RTN4: variants seen among roughly 807,000 people sequenced by gnomAD.
RTN4 encodes the protein reticulon 4.
A neutral mutation model predicts 90.4 loss-of-function variants in RTN4; 32 were observed. The observed-to-expected ratio is 0.35, with a 90% CI of 0.27 to 0.48. The LOEUF (loss-of-function observed/expected upper bound fraction) is 0.48, where lower values mean the gene tolerates loss of function less well. Ranked by LOEUF, RTN4 falls within the 20% of genes least tolerant of loss-of-function variation. RTN4 has a pLI of 0.99. For synonymous variants in RTN4, 629 were observed against 552.5 expected (o/e 1.14, Z -1.94); for missense variants, 1,706 against 1,430.2 (o/e 1.19, Z -3.11).
intron 1 of RTN4, among the ~76,000 whole-genome samples, chr2:55,037,260 G>A (rs141208168): frequency 1.1e-3 from 169 of 152,296 alleles, no homozygotes; most frequent in African/African-American, 4.0e-3. Flanking sequence ...CACATTCATG[G>A]GTTGAAAGAT....
At chr2:55,096,692 C>T (rs567621907) in intron 1 of RTN4, among the ~76,000 whole-genome samples, 2 of 152,186 alleles carry the variant, frequency 1.3e-5, no homozygotes, top group African/African-American at 4.8e-5. Context: ...TTTTCTCAAT[C>T]TGAACGCAAG....
chr2:55,030,197 A>AT (rs1027563293), intron 1 of RTN4, among the ~76,000 whole-genome samples: 2 of 152,100 alleles, frequency 1.3e-5, no homozygotes, highest in East Asian at 1.9e-4. Flanking sequence ...ATTTTAAAGT[A>AT]TTTTTTTAAT....
intron 1 of RTN4, among the ~76,000 whole-genome samples, chr2:55,047,413 A>G (rs1189774515): frequency 6.6e-6 from 1 of 152,012 alleles, no homozygotes; most frequent in Non-Finnish European, 1.5e-5. Flanking sequence ...TCTTTTTCAT[A>G]AAGAAAAAGG....
chr2:55,041,430 C>G (rs1683067349), intron 1 of RTN4, among the ~76,000 whole-genome samples: 1 of 151,954 alleles, frequency 6.6e-6, no homozygotes, highest in South Asian at 2.1e-4. Flanking sequence ...ATTATACACA[C>G]ATAAGATAGC....
intron 2 of RTN4, among the ~76,000 whole-genome samples, chr2:55,075,169 C>G (rs894350370): frequency 3.3e-5 from 5 of 152,088 alleles, no homozygotes; most frequent in Non-Finnish European, 5.9e-5. Flanking sequence ...GGTCTTATAC[C>G]TAGAAAACCC....
intron 5 of RTN4, among the ~76,000 whole-genome samples, chr2:54,979,821 T>TA (rs1332712235): frequency 2.0e-5 from 3 of 152,214 alleles, no homozygotes; most frequent in Admixed American, 2.0e-4. Context: ...AGGCAACTGT[T>TA]ACTTATTTGC....
the RTN4 span, among the ~76,000 whole-genome samples, chr2:55,117,869 G>T: frequency 1.3e-5 from 2 of 152,150 alleles, no homozygotes; most frequent in African/African-American, 2.4e-5. Context: ...GTCTCCTGGG[G>T]TGCTGGCAAT....
At chr2:55,068,381 T>C (rs1668430931) in intron 2 of RTN4, among the ~76,000 whole-genome samples, 1 of 152,166 alleles carries the variant, frequency 6.6e-6, no homozygotes, top group African/African-American at 2.4e-5. Context: ...CACATTTCCT[T>C]AGATGATATT....
intron 5 of RTN4, among the ~76,000 whole-genome samples, chr2:54,975,626 T>C (rs1204232063): frequency 6.6e-6 from 1 of 152,218 alleles, no homozygotes; most frequent in Non-Finnish European, 1.5e-5. Context: ...GCTCCCACAC[T>C]ATACAAAAAC....
chr2:54,986,469 A>C (rs937760072), intron 4 of RTN4, among the ~76,000 whole-genome samples: 1 of 152,238 alleles, frequency 6.6e-6, no homozygotes, highest in African/African-American at 2.4e-5. Flanking sequence ...CAAACTATTT[A>C]CAAAAGCAGG....
At position 55,101,114 on chromosome 2, in the gene RTN4, T is replaced by TAGTA. The variant is rs1350588704; in HGVS notation, c.-214+11402_-214+11405dup. Among the ~76,000 whole-genome samples the TAGTA allele has an allele frequency of 2.8e-4, 42 of 152,038 alleles. 1 individual carries two copies. The highest frequency in any genetic ancestry group is 9.9e-4 in the African/African-American group (41 of 41,400). ...AAAAACAAGCTCCAAACAGTTTGTA[T>TAGTA]AGTAGGATTATATTTTAGTAAAATA... is the stretch of plus-strand genomic sequence containing the variant. On this transcript the variant is annotated intron_variant, in intron 1 of 3. Coordinates refer to the RTN4 transcript ENST00000427710.
At chr2:55,021,399 C>G (rs564620351) in intron 3 of RTN4, among the ~76,000 whole-genome samples, 11 of 150,880 alleles carry the variant, frequency 7.3e-5, no homozygotes, top group South Asian at 2.1e-4. Flanking sequence ...CTGCCCCCCC[C>G]GCCAAAAAAA....
the RTN4 span, among the ~76,000 whole-genome samples, chr2:55,136,802 A>G: frequency 1.3e-5 from 2 of 152,228 alleles, no homozygotes; most frequent in South Asian, 4.1e-4. Context: ...GTGCACATCT[A>G]GATTCTCTTC....
chr2:54,982,570 G>A lies in RTN4; in HGVS notation c.3305C>T (p.Thr1102Met), dbSNP rs142622923. Residue 1102 changes from threonine to methionine, a missense_variant, in exon 5 of 9, where the codon ACG (threonine) becomes ATG (methionine). Transcript: ENST00000337526. ...GAAGAGGCGCCTGAGTTCCTTTATCGTGCAGTTCACATGACCAAGAGCAGA... is the reference window on the plus strand; with the variant it reads ...GAAGAGGCGCCTGAGTTCCTTTATCATGCAGTTCACATGACCAAGAGCAGA... ...SNSALGHVNC[T>M]IKELRRLFLV... is the part of the protein sequence containing the mutation. The A allele has an allele frequency of 6.2e-5, 100 of 1,613,584 alleles. No individual in the cohort carries two copies. The East Asian group carries it at 1.1e-3, about 18-fold the overall frequency.
chr2:55,049,464 G>A, intron 1 of RTN4: 1 of 475,382 alleles, frequency 2.1e-6, no homozygotes, highest in Non-Finnish European at 3.9e-6. Flanking sequence ...CCTAACTTCC[G>A]AGAATCCGTA....
chr2:55,120,546 C>G, the RTN4 span, among the ~76,000 whole-genome samples: 12 of 152,186 alleles, frequency 7.9e-5, no homozygotes, highest in Admixed American at 6.5e-4. Flanking sequence ...AGCAGGAGAT[C>G]TTTAACAACT....
intron 1 of RTN4, among the ~76,000 whole-genome samples, chr2:55,039,535 T>G (rs77100089): frequency 0.032 from 4,842 of 152,290 alleles, 262 homozygotes; most frequent in African/African-American, 0.11. Context: ...ACACCAGCAC[T>G]TTGGGGGGCC....
rs181397240 is a variant in RTN4, at chr2:55,019,729, T to G, written c.3013+5357A>C. The stretch of plus-strand genomic sequence containing the variant: ...AAATGGGAAGTCCTACCCAGAGCAA[T>G]TGAGCAAGAGAGAAATAAAGGATAT... On this transcript the variant is annotated intron_variant, in intron 3 of 8. Transcript: ENST00000337526. Among the ~76,000 whole-genome samples the G allele has an allele frequency of 3.4e-3, 519 of 152,160 alleles. 4 individuals are homozygous for G. Among genetic ancestry groups the G allele is most frequent in the Middle Eastern group, 0.014 (4 of 294 alleles).
intron 1 of RTN4, among the ~76,000 whole-genome samples, chr2:55,043,652 G>C (rs1031062253): frequency 1.3e-5 from 2 of 152,092 alleles, no homozygotes; most frequent in African/African-American, 2.4e-5. Flanking sequence ...GTGGGACACC[G>C]AGGCAGGTGG....
Sources: allele counts gnomAD v4.1 joint callset (sites outside exome capture counted in the v4.1 genomes callset), GRCh38; gene constraint gnomAD v4.1.1; transcripts MANE v1.5; gene names NCBI Gene and HGNC (gene_info 2026-07-23, HGNC 2026-07-21).